Variants in DPP9 observed in about 807,000 individuals in gnomAD.
DPP9 encodes the protein dipeptidyl peptidase IV-related protein-2.
In DPP9, 50 loss-of-function variants were observed where a neutral mutation model predicts 110.7. The ratio of observed to expected loss-of-function variants is 0.45; its 90% confidence interval spans 0.36 to 0.57. The LOEUF is 0.57. DPP9 is among the 20% of genes least tolerant of loss of function. The pLI is 0.00. For missense variants in DPP9, 1,022 were observed against 1,217.9 expected, an observed-to-expected ratio of 0.84 and a Z score of 2.39; for synonymous variants, 561 against 514.4, an observed-to-expected ratio of 1.09 and a Z score of -1.23.
chr19:4,723,675 G>C lies in DPP9; in HGVS notation c.-90C>G, dbSNP rs974683988. The C allele has an allele frequency of 1.3e-5, 2 of 157,110 alleles. No homozygotes were observed. Among genetic ancestry groups the C allele is most frequent in the African/African-American group, 4.8e-5 (2 of 41,494 alleles). The allele number at this position is 157,110 out of a possible 1,614,324, so 9.7% of individuals were successfully genotyped here. The stretch of plus-strand genomic sequence containing the variant: ...ACGAGGCGCGCGGGCGCTGCTCACC[G>C]GGACGTGGGGCGGCGGCCGGACTGG... On this transcript the variant is annotated splice_region_variant and 5_prime_UTR_variant, in exon 1 of 22. Transcript: ENST00000262960.
chr19:4,692,366 G>A (rs1450995251), intron 13 of DPP9, among the ~76,000 whole-genome samples: 2 of 152,174 alleles, frequency 1.3e-5, no homozygotes, highest in Non-Finnish European at 2.9e-5. Flanking sequence ...TCAGGAGCAC[G>A]GGAGGGCAGA....
At chr19:4,712,563 T>A (rs1046407522) in intron 4 of DPP9, among the ~76,000 whole-genome samples, 20 of 150,750 alleles carry the variant, frequency 1.3e-4, no homozygotes, top group Non-Finnish European at 2.7e-4. Context: ...AAAAAAAAAA[T>A]GAAAAATAAA....
rs57034092 is a variant in DPP9 at position 4,695,372 on chromosome 19, G to C, written c.1353+6C>G. ...CGGGCATACAGCCAGCGCTTGCCCC[G>C]CTTACATTGATCCAGACGTTGGTGA... On this transcript the variant is annotated splice_donor_region_variant and intron_variant, in intron 12 of 21. Coordinates refer to ENST00000262960, the MANE Select transcript of DPP9 (RefSeq NM_139159.5). This position sits in a 1 kb window ranked among gnomAD's most constrained non-coding sequence, Gnocchi z 4.7. The C allele has an allele frequency of 6.4e-7, 1 of 1,560,886 alleles. No individual in the cohort carries two copies. The highest frequency in any genetic ancestry group is 8.7e-7 in the Non-Finnish European group (1 of 1,152,694).
chr19:4,707,220 G>A (rs1047044538), intron 4 of DPP9, among the ~76,000 whole-genome samples: 3 of 152,160 alleles, frequency 2.0e-5, no homozygotes, highest in East Asian at 3.9e-4. Context: ...TTCCACCTAC[G>A]CATGTCTCTG....
intron 4 of DPP9, among the ~76,000 whole-genome samples, chr19:4,709,661 G>C (rs1356478650): frequency 1.3e-5 from 2 of 152,192 alleles, no homozygotes; most frequent in Non-Finnish European, 2.9e-5. Flanking sequence ...TGATGGGGTT[G>C]CTTTTTGGGG....
At chr19:4,707,378 T>G (rs2092635516) in intron 4 of DPP9, among the ~76,000 whole-genome samples, 1 of 152,094 alleles carries the variant, frequency 6.6e-6, no homozygotes, top group Admixed American at 6.5e-5. Context: ...AGCAGGATGG[T>G]AACCCCTGGG....
At chr19:4,715,650 A>T (rs1021251117) in intron 3 of DPP9, 1 of 152,016 alleles carries the variant, frequency 6.6e-6, no homozygotes. Context: ...AGGAATGAAA[A>T]TCCATCCTGG....
Position 4,683,498 on chromosome 19 carries a change from G to A in DPP9, c.2310C>T (p.Ile770=). 1 of 1,613,162 alleles carries A rather than the reference G, an allele frequency of 6.2e-7. No homozygotes were observed. The highest frequency in any genetic ancestry group is 8.5e-7 in the Non-Finnish European group (1 of 1,179,864). Residue 770 remains isoleucine, a synonymous_variant, in exon 19 of 22, where the codon ATC becomes ATT. Transcript: ENST00000262960. ...YGGFLSLMGL[I]HKPQVFKVAI... ...CCACCTTGAACACCTGGGGCTTGTG[G>A]ATTAGCCCCATGAGCGAGAGGAAGC...
At chr19:4,720,106 T>C (rs904703759) in intron 2 of DPP9, among the ~76,000 whole-genome samples, 165 bp from the exon 3 acceptor site, 7 of 152,200 alleles carry the variant, frequency 4.6e-5, no homozygotes, top group African/African-American at 1.7e-4. Flanking sequence ...CTTCAGGCCC[T>C]GGCCTGAAAT....
At chr19:4,680,136 C>T (rs2089611175) in intron 20 of DPP9, among the ~76,000 whole-genome samples, 190 bp from the exon 21 acceptor site, 1 of 150,896 alleles carries the variant, frequency 6.6e-6, no homozygotes, top group South Asian at 2.1e-4. Context: ...ACTTGGGAGG[C>T]TGAGGCAGGA....
At chr19:4,702,567 C>A in intron 8 of DPP9, 36 bp downstream of exon 8, 3 of 1,502,900 alleles carry the variant, frequency 2.0e-6, no homozygotes, top group South Asian at 1.2e-5. Flanking sequence ...AGGAAAAGCA[C>A]GCCCGGGAGC....
At chr19:4,702,280 C>G in intron 8 of DPP9, 125 bp from the exon 9 acceptor site, 1 of 1,296,418 alleles carries the variant, frequency 7.7e-7, no homozygotes, top group Non-Finnish European at 1.0e-6. Context: ...ACCAGAACCC[C>G]GGCTCTGCCA....
At chr19:4,681,738 G>A (rs2089910954) in intron 20 of DPP9, among the ~76,000 whole-genome samples, 1 of 147,630 alleles carries the variant, frequency 6.8e-6, no homozygotes, top group African/African-American at 2.5e-5. Flanking sequence ...CTTATTTTTT[G>A]TATTTTTTTG....
rs570617395 is a variant in DPP9, at chr19:4,682,922, C to T, written c.2332-84G>A. ...CTACAGCCAGCATCAGCCGCTGTCC[C>T]GGGGCCGCCCTGGAGCCCGTGAGGA... On this transcript the variant is annotated intron_variant, in intron 19 of 21. Coordinates refer to ENST00000262960, the MANE Select transcript of DPP9 (RefSeq NM_139159.5). This position sits in a 1 kb window ranked among gnomAD's most constrained non-coding sequence, Gnocchi z 7.1. 20 of 1,537,736 alleles carry T rather than the reference C, an allele frequency of 1.3e-5. No individual in the cohort carries two copies. The highest frequency in any genetic ancestry group is 9.5e-5 in the South Asian group (8 of 83,816).
intron 2 of DPP9, among the ~76,000 whole-genome samples, chr19:4,721,993 A>C (rs1027620109): frequency 2.3e-4 from 35 of 152,306 alleles, no homozygotes; most frequent in African/African-American, 8.2e-4. Flanking sequence ...CCCAGCGAGA[A>C]CATGGTATGA....
chr19:4,685,925 T>A lies in DPP9; in HGVS notation c.1886-154A>T, dbSNP rs2090636656. ...AGTTGATAATTGAAAAAAACGTTTTTTTTTCATTAAATAAGATTTGTACAG... is the reference window on the plus strand; with the variant it reads ...AGTTGATAATTGAAAAAAACGTTTTATTTTCATTAAATAAGATTTGTACAG... On this transcript the variant is annotated intron_variant, in intron 16 of 21. Transcript: ENST00000262960. This position sits in a 1 kb window ranked among gnomAD's most constrained non-coding sequence, Gnocchi z 5.8. 4 of 832,036 alleles carry A rather than the reference T, an allele frequency of 4.8e-6. No homozygotes were observed. In the East Asian group the frequency reaches 1.1e-4, roughly 23 times the overall value. 51.5% of individuals were successfully genotyped at this position (832,036 alleles called of 1,614,324 possible). A position where few individuals can be genotyped will look rare whatever the true frequency, so the allele number is the denominator to read the frequency against.
In DPP9 at chr19:4,676,682, G is replaced by T. The variant is rs747465876; in HGVS notation, c.2587-26C>A. 5 of 1,568,610 alleles carry T rather than the reference G, an allele frequency of 3.2e-6. No individual in the cohort carries two copies. The highest frequency in any genetic ancestry group is 4.7e-5 in the East Asian group (2 of 42,740). The stretch of plus-strand genomic sequence containing the variant: ...CTGCGGGGAGACAGGAGGCAGGGCT[G>T]GGGGGCGTGGCCGGACCACCCCCGT... On this transcript the variant is annotated intron_variant, in intron 21 of 21. Transcript: ENST00000262960. The surrounding 1 kb of genome is among the most constrained non-coding windows in gnomAD (Gnocchi z 4.0).
intron 7 of DPP9, among the ~76,000 whole-genome samples, chr19:4,703,470 CA>C (rs11451501): frequency 0.018 from 2,321 of 128,356 alleles, 12 homozygotes; most frequent in Non-Finnish European, 0.026. Context: ...ACTAAAAATA[CA>C]AAAAAAAAAA....
intron 3 of DPP9, 32 bp from the exon 4 acceptor site, chr19:4,714,369 G>A: frequency 6.8e-7 from 1 of 1,462,612 alleles, no homozygotes; most frequent in Non-Finnish European, 9.0e-7. Flanking sequence ...TATGAGAAAG[G>A]AGAACTGTTT....
Sources: gnomAD v4.1 joint callset for allele counts (sites outside exome capture counted in the v4.1 genomes callset) on GRCh38, gnomAD v4.1.1 for gene constraint, Gnocchi (gnomAD v3.1) non-coding constraint, MANE v1.5 for transcripts, NCBI Gene and HGNC (gene_info 2026-07-23, HGNC 2026-07-21) for gene names.